Variants in METTL15 observed in about 807,000 individuals in gnomAD.
The protein encoded by METTL15 is methyltransferase 15, mitochondrial 12S rRNA N4-cytidine, also known as 12S rRNA N(4)-cytidine methyltransferase METTL15.
In METTL15, 34 loss-of-function variants were observed where a neutral mutation model predicts 38.3. The ratio of observed to expected loss-of-function variants is 0.89; its 90% CI spans 0.68 to 1.18. The LOEUF (loss-of-function observed/expected upper bound fraction) is 1.18. METTL15 is among the 50% of genes most tolerant of loss of function. The pLI is 0.00. For missense variants in METTL15, 438 were observed against 498.4 expected (o/e 0.88, Z 1.15); for synonymous variants, 162 against 170.9 (o/e 0.95, Z 0.41).
intron 4 of METTL15, among the ~76,000 whole-genome samples, chr11:28,239,628 T>TA (rs1231701901): frequency 1.3e-5 from 2 of 152,206 alleles, no homozygotes; most frequent in African/African-American, 4.8e-5. Context: ...CCTGTTTTTT[T>TA]ACTCTGTTCT....
At chr11:28,176,564 T>A (rs1024928890) in intron 3 of METTL15, among the ~76,000 whole-genome samples, 1 of 152,188 alleles carries the variant, frequency 6.6e-6, no homozygotes, top group African/African-American at 2.4e-5. Flanking sequence ...GAATAGCATG[T>A]GGTACCTAAT....
intron 4 of METTL15, among the ~76,000 whole-genome samples, chr11:28,236,290 T>C (rs1302850311): frequency 7.9e-5 from 12 of 152,266 alleles, no homozygotes; most frequent in South Asian, 2.1e-4. Context: ...TGTCTCTGCC[T>C]GGCTTTGGTG....
chr11:28,173,957 A>ACTATCAATAT (rs1850955265), intron 3 of METTL15, among the ~76,000 whole-genome samples: 1 of 152,184 alleles, frequency 6.6e-6, no homozygotes, highest in South Asian at 2.1e-4. Flanking sequence ...AAGGGTATGT[A>ACTATCAATAT]CTATCAATAT....
At chr11:28,201,758 G>A (rs1361561186) in intron 3 of METTL15, among the ~76,000 whole-genome samples, 1 of 152,078 alleles carries the variant, frequency 6.6e-6, no homozygotes, top group Non-Finnish European at 1.5e-5. Context: ...TTGGCCCACT[G>A]TTGTATTTCT....
Position 28,332,699 on chromosome 11 carries a change from A to G in METTL15, c.*1858A>G, listed in dbSNP as rs1225120286. The G allele has an allele frequency of 2.0e-5, 3 of 151,560 alleles. No individual in the cohort carries two copies. The highest frequency in any genetic ancestry group is 3.9e-4 in the East Asian group (2 of 5,124). 9.4% of individuals were successfully genotyped at this position (151,560 alleles called of 1,614,324 possible). A position where few individuals can be genotyped will look rare whatever the true frequency, so the allele number is the denominator to read the frequency against. ...GCGGGCATGGTGGCTCACGCCTGTAATCCCAGCACTGTGGGAGGCCAAGCC... is the reference window on the plus strand; with the variant it reads ...GCGGGCATGGTGGCTCACGCCTGTAGTCCCAGCACTGTGGGAGGCCAAGCC... On this transcript the variant is annotated 3_prime_UTR_variant, in exon 7 of 7. Coordinates refer to ENST00000407364, the MANE Select transcript of METTL15 (RefSeq NM_001113528.2).
At chr11:28,237,774 G>C (rs887251819) in intron 4 of METTL15, among the ~76,000 whole-genome samples, 5 of 152,178 alleles carry the variant, frequency 3.3e-5, no homozygotes, top group African/African-American at 4.8e-5. Flanking sequence ...TGTACAGATG[G>C]GTTTTTGGTG....
intron 5 of METTL15, among the ~76,000 whole-genome samples, chr11:28,391,674 A>G (rs751328795): frequency 6.6e-6 from 1 of 152,134 alleles, no homozygotes. Context: ...ATCTACAACT[A>G]TCTGATCTTT....
intron 4 of METTL15, among the ~76,000 whole-genome samples, chr11:28,272,428 T>A (rs1855681760): frequency 6.6e-6 from 1 of 152,140 alleles, no homozygotes; most frequent in Non-Finnish European, 1.5e-5. Flanking sequence ...GGGACATGGA[T>A]GAAGCTGGAA....
At chr11:28,315,826 G>A (rs1857459945) in intron 6 of METTL15, among the ~76,000 whole-genome samples, 1 of 152,220 alleles carries the variant, frequency 6.6e-6, no homozygotes. Context: ...GTTGCTTCAG[G>A]GGGTGGAAGT....
chr11:28,154,256 T>C (rs1850189466), intron 3 of METTL15, among the ~76,000 whole-genome samples: 1 of 152,152 alleles, frequency 6.6e-6, no homozygotes, highest in African/African-American at 2.4e-5. Context: ...CTTTATGATC[T>C]TGGACAAGCC....
chr11:28,527,245 A>T (rs1650111028), downstream of METTL15, among the ~76,000 whole-genome samples: 1 of 152,224 alleles, frequency 6.6e-6, no homozygotes, highest in South Asian at 2.1e-4. Context: ...TGTTGATTTT[A>T]ACCATTATGC....
chr11:28,111,853 G>GTA (rs1851731780), intron 2 of METTL15, among the ~76,000 whole-genome samples: 1 of 152,250 alleles, frequency 6.6e-6, no homozygotes, highest in East Asian at 1.9e-4. Context: ...AAGTCAGAGG[G>GTA]TAGTTGAGCT....
chr11:28,368,045 A>T (rs896668911), intron 5 of METTL15, among the ~76,000 whole-genome samples: 10 of 151,016 alleles, frequency 6.6e-5, no homozygotes, highest in Non-Finnish European at 1.3e-4. Context: ...CAAAGATTTC[A>T]TGTCTAAAAA....
chr11:28,244,970 G>C (rs1321163768), intron 4 of METTL15, among the ~76,000 whole-genome samples: 1 of 152,272 alleles, frequency 6.6e-6, no homozygotes, highest in East Asian at 1.9e-4. Flanking sequence ...CAGCCTGCAA[G>C]GTTTAATCCC....
intron 6 of METTL15, among the ~76,000 whole-genome samples, chr11:28,516,273 G>A (rs1286290012): frequency 6.6e-6 from 1 of 152,182 alleles, no homozygotes; most frequent in Non-Finnish European, 1.5e-5. Flanking sequence ...TACCAGGTGG[G>A]TGGTGGGGGG....
chr11:28,158,777 T>G (rs897580332), intron 3 of METTL15, among the ~76,000 whole-genome samples: 3 of 152,168 alleles, frequency 2.0e-5, no homozygotes, highest in African/African-American at 4.8e-5. Context: ...TTTACTGGTC[T>G]TACCATCTTC....
intron 4 of METTL15, among the ~76,000 whole-genome samples, chr11:28,223,291 C>T (rs1216230990): frequency 6.6e-6 from 1 of 151,998 alleles, no homozygotes; most frequent in African/African-American, 2.4e-5. Flanking sequence ...TACATCTCTG[C>T]ATATTTATGC....
At position 28,223,763 on chromosome 11, in the gene METTL15, G is replaced by C. The variant is rs552912119; in HGVS notation, c.407+12565G>C. Among the ~76,000 whole-genome samples, 146 of 152,186 alleles carry C rather than the reference G, an allele frequency of 9.6e-4. 2 individuals carry two copies. The South Asian group carries it at 0.029, about 31-fold the overall frequency. ...CTCTTTCAGAAAAGATGACATGTCA[G>C]ATCACCTGTTGTTTGAAGACTGAAA... On this transcript the variant is annotated intron_variant, in intron 4 of 6. Coordinates refer to ENST00000407364, the MANE Select transcript of METTL15 (RefSeq NM_001113528.2).
At chr11:28,462,468 G>A (rs1463893413) in intron 6 of METTL15, among the ~76,000 whole-genome samples, 1 of 139,902 alleles carries the variant, frequency 7.1e-6, no homozygotes, top group Non-Finnish European at 1.5e-5. Context: ...ACATCTGCAA[G>A]CATACACGCT....
Sources: allele counts gnomAD v4.1 joint callset (sites outside exome capture counted in the v4.1 genomes callset), GRCh38; gene constraint gnomAD v4.1.1; transcripts MANE v1.5; gene names NCBI Gene and HGNC (gene_info 2026-07-23, HGNC 2026-07-21).